SLC6A6: variants seen among roughly 807,000 people sequenced by gnomAD.
The protein encoded by SLC6A6 is sodium- and chloride-dependent taurine transporter.
In SLC6A6, 16 loss-of-function variants were observed where a neutral mutation model predicts 68.8. The ratio of observed to expected loss-of-function variants is 0.23; its 90% CI spans 0.16 to 0.35. SLC6A6 has a LOEUF of 0.35. Among genes scored for constraint, SLC6A6 ranks in the 10% least tolerant of loss-of-function variants. The probability of loss-of-function intolerance (pLI) is 1.00; values close to 1 mark genes in which losing one functional copy is unlikely to be tolerated. For missense variants in SLC6A6, 474 were observed against 802.8 expected (o/e 0.59, Z 4.95); for synonymous variants, 312 against 315.4 (o/e 0.99, Z 0.12).
intron 2 of SLC6A6, among the ~76,000 whole-genome samples, chr3:14,430,536 C>T (rs564587171): frequency 1.6e-4 from 25 of 152,352 alleles, no homozygotes; most frequent in African/African-American, 6.0e-4. Context: ...CGTCGGTCCT[C>T]CCTGCATCCT....
intron 2 of SLC6A6, among the ~76,000 whole-genome samples, chr3:14,431,845 A>G (rs1403281422): frequency 1.3e-5 from 2 of 152,142 alleles, no homozygotes; most frequent in African/African-American, 4.8e-5. Flanking sequence ...GTCAGGGGGA[A>G]AAACATGTTT....
At chr3:14,412,967 G>A (rs889345022) in intron 1 of SLC6A6, among the ~76,000 whole-genome samples, 2 of 152,228 alleles carry the variant, frequency 1.3e-5, no homozygotes, top group Non-Finnish European at 2.9e-5. Flanking sequence ...TTGCTGTTGG[G>A]GAAGCCTTTC....
At chr3:14,409,900 A>T (rs1458018189) in intron 1 of SLC6A6, among the ~76,000 whole-genome samples, 1 of 152,190 alleles carries the variant, frequency 6.6e-6, no homozygotes, top group African/African-American at 2.4e-5. Flanking sequence ...CAAAAGAGCC[A>T]TTGTTGGCCA....
rs560233421 is a variant in SLC6A6 at position 14,408,857 on chromosome 3, A to T, written c.-54+6010A>T. ...AGTCTCGCTCTGTCGCCCAGGCTGG[A>T]GTGCAGTGGCGTGATCTCAGCTCAC... On this transcript the variant is annotated intron_variant, in intron 1 of 14. Coordinates refer to ENST00000622186, the MANE Select transcript of SLC6A6 (RefSeq NM_003043.6). Among the ~76,000 whole-genome samples the T allele has an allele frequency of 2.6e-5, 4 of 151,440 alleles. No homozygotes were observed. The East Asian group carries it at 7.8e-4, about 30-fold the overall frequency.
At chr3:14,482,002 G>A (rs1301330927) in intron 14 of SLC6A6, among the ~76,000 whole-genome samples, 161 bp downstream of exon 14, 1 of 152,206 alleles carries the variant, frequency 6.6e-6, no homozygotes, top group Admixed American at 6.5e-5. Flanking sequence ...AGTGCATTGT[G>A]GGAAGACGGG....
intron 6 of SLC6A6, among the ~76,000 whole-genome samples, chr3:14,464,390 A>G (rs1700567424): frequency 6.6e-6 from 1 of 152,110 alleles, no homozygotes; most frequent in Admixed American, 6.5e-5. Context: ...ATTGTTGCAA[A>G]ATGGAGATAG....
intron 1 of SLC6A6, among the ~76,000 whole-genome samples, chr3:14,408,137 G>A (rs1259378053): frequency 6.6e-6 from 1 of 152,138 alleles, no homozygotes; most frequent in African/African-American, 2.4e-5. Flanking sequence ...TAGGACTAGA[G>A]CTGCTGGGTT....
chr3:14,476,010 G>A (rs2124992685), intron 10 of SLC6A6, among the ~76,000 whole-genome samples: 1 of 152,318 alleles, frequency 6.6e-6, no homozygotes, highest in South Asian at 2.1e-4. Context: ...GATTTCTCTG[G>A]TAGGAATGCT....
Position 14,466,542 on chromosome 3 carries a change from A to G in SLC6A6, c.759A>G (p.Pro253=). 3.7e-6 allele frequency: 6 copies of G among 1,612,274 alleles called. No homozygotes were observed. Among genetic ancestry groups the G allele is most frequent in the Non-Finnish European group, 5.1e-6 (6 of 1,178,880 alleles). ...GKVVYFTATF[P]FAMLLVLLVR... ...TCGTCTACTTCACAGCCACTTTTCCATTCGCCATGCTCCTGGTGCTGCTGG... is the reference window on the plus strand; with the variant it reads ...TCGTCTACTTCACAGCCACTTTTCCGTTCGCCATGCTCCTGGTGCTGCTGG... The change falls in exon 7 of 15, where the codon CCA becomes CCG. Residue 253 remains proline, a synonymous_variant. Coordinates refer to ENST00000622186, the MANE Select transcript of SLC6A6 (RefSeq NM_003043.6).
chr3:14,436,008 C>G (rs116589310), intron 2 of SLC6A6, among the ~76,000 whole-genome samples: 1 of 152,186 alleles, frequency 6.6e-6, no homozygotes, highest in Non-Finnish European at 1.5e-5. Flanking sequence ...GAGCTCGCCA[C>G]GCTTGAGTTA....
intron 2 of SLC6A6, among the ~76,000 whole-genome samples, chr3:14,442,288 G>A (rs1001553733): frequency 2.0e-5 from 3 of 152,368 alleles, no homozygotes; most frequent in Admixed American, 6.5e-5. Context: ...AGACAAACAA[G>A]TTGTGTCCCA....
chr3:14,417,503 G>T (rs1197418595), intron 2 of SLC6A6, among the ~76,000 whole-genome samples: 2 of 152,028 alleles, frequency 1.3e-5, no homozygotes, highest in Non-Finnish European at 2.9e-5. Context: ...AGGCCAAGGT[G>T]GGCAGATCAC....
intron 1 of SLC6A6, among the ~76,000 whole-genome samples, chr3:14,405,274 A>G (rs1264463986): frequency 6.6e-6 from 1 of 151,948 alleles, no homozygotes; most frequent in Non-Finnish European, 1.5e-5. Context: ...GAGCCCTGCT[A>G]CCCATTCTGC....
intron 5 of SLC6A6, among the ~76,000 whole-genome samples, chr3:14,453,151 T>C: frequency 6.6e-6 from 1 of 152,172 alleles, no homozygotes; most frequent in Non-Finnish European, 1.5e-5. Flanking sequence ...GGCCAATAAA[T>C]GGCTGGCGTG....
intron 2 of SLC6A6, among the ~76,000 whole-genome samples, chr3:14,434,741 C>T (rs1237887650): frequency 2.6e-5 from 4 of 152,202 alleles, no homozygotes; most frequent in Non-Finnish European, 5.9e-5. Flanking sequence ...CACCCTGCCT[C>T]ATCCTGGCCC....
chr3:14,454,644 G>T (rs1700329826), intron 5 of SLC6A6, among the ~76,000 whole-genome samples: 1 of 152,170 alleles, frequency 6.6e-6, no homozygotes, highest in Non-Finnish European at 1.5e-5. Flanking sequence ...TTCAGCCCTA[G>T]TATGTTCACG....
Position 14,487,796 on chromosome 3 carries a change from G to C in SLC6A6, c.*2789G>C, listed in dbSNP as rs1194047366. ...AATGGATTTTCTTGAAACAGCTCTA[G>C]CTGCAGGTTCTCCGAGGTAGGTGCA... On this transcript the variant is annotated 3_prime_UTR_variant, in exon 15 of 15. Transcript: ENST00000622186. 2 of 152,274 alleles carry C rather than the reference G, an allele frequency of 1.3e-5. No homozygotes were observed. Among genetic ancestry groups the C allele is most frequent in the Non-Finnish European group, 2.9e-5 (2 of 68,086 alleles). 9.4% of individuals were successfully genotyped at this position (152,274 alleles called of 1,614,324 possible). A position where few individuals can be genotyped will look rare whatever the true frequency, so the allele number is the denominator to read the frequency against.
intron 6 of SLC6A6, 107 bp from the exon 7 acceptor site, chr3:14,466,409 A>T: frequency 7.7e-7 from 1 of 1,304,150 alleles, no homozygotes; most frequent in Non-Finnish European, 1.0e-6. Flanking sequence ...CTGGCTCCAG[A>T]ACTCCTGATC....
At chr3:14,476,494 G>A (rs1700882389) in intron 10 of SLC6A6, among the ~76,000 whole-genome samples, 2 of 152,182 alleles carry the variant, frequency 1.3e-5, no homozygotes, top group African/African-American at 4.8e-5. Flanking sequence ...CCAGGAAGGG[G>A]TTCCTGGAGT....
Sources: allele counts gnomAD v4.1 joint callset (sites outside exome capture counted in the v4.1 genomes callset), GRCh38; gene constraint gnomAD v4.1.1; transcripts MANE v1.5; gene names NCBI Gene and HGNC (gene_info 2026-07-23, HGNC 2026-07-21).